EPHX1: variants seen among roughly 807,000 people sequenced by gnomAD.
The protein encoded by EPHX1 is epoxide hydrolase 1.
EPHX1 carries 40 observed loss-of-function variants against 43.2 expected under a neutral mutation model. That is an observed-to-expected ratio of 0.93 (90% CI 0.72 to 1.21). The LOEUF (loss-of-function observed/expected upper bound fraction) is 1.21, where lower values mean the gene tolerates loss of function less well. Ranked by LOEUF, EPHX1 falls within the 50% of genes most tolerant of loss-of-function variation. The pLI is 0.00. For synonymous variants in EPHX1, 221 were observed against 226.7 expected, an observed-to-expected ratio of 0.98 and a Z score of 0.22; for missense variants, 550 against 570.4, an observed-to-expected ratio of 0.96 and a Z score of 0.36.
In EPHX1 at chr1:225,828,794, A is replaced by G. The variant is rs955414524; in HGVS notation, c.65A>G (p.Asp22Gly). 10 of 1,613,662 alleles carry G rather than the reference A, an allele frequency of 6.2e-6. No individual in the cohort carries two copies. Among genetic ancestry groups the G allele is most frequent in the African/African-American group, 5.3e-5 (4 of 74,830 alleles). Reference protein sequence around the residue: ...GFAIYWFISRDKEETLPLEDG... With the variant: ...GFAIYWFISRGKEETLPLEDG... ...GCCATCTACTGGTTCATCTCCCGGG[A>G]CAAAGAGGAAACTTTGCCACTTGAA... The change falls in exon 2 of 9, where the codon GAC becomes GGC. Residue 22 changes from aspartate to glycine, a missense_variant. By Grantham distance (94) the Asp-to-Gly change is moderately conservative (BLOSUM62 -1). Coordinates refer to ENST00000272167, the MANE Select transcript of EPHX1 (RefSeq NM_001136018.4).
chr1:225,842,243 G>A, intron 6 of EPHX1, 123 bp from the exon 7 acceptor site: 2 of 763,128 alleles, frequency 2.6e-6, no homozygotes, highest in Non-Finnish European at 4.7e-6. Context: ...GCAGGCCTGT[G>A]CTCGAACGTG....
rs1235534174 is a variant in EPHX1 at position 225,845,166 on chromosome 1, C to G, written c.1187C>G (p.Thr396Ser). ...TCCAGGATGAAGGTCTATGTGCCCA[C>G]TGGCTTCTCTGCCTTCCCTTTTGAG... ...KHERMKVYVP[T>S]GFSAFPFELL... is the part of the protein sequence containing the mutation. Residue 396 changes from threonine to serine, a missense_variant, in exon 9 of 9, where the codon ACT (threonine) becomes AGT (serine). By Grantham distance (58) the Thr-to-Ser change is moderately conservative. Coordinates refer to ENST00000272167, the MANE Select transcript of EPHX1 (RefSeq NM_001136018.4). The G allele has an allele frequency of 6.2e-7, 1 of 1,614,162 alleles. No homozygotes were observed. Among genetic ancestry groups the G allele is most frequent in the Non-Finnish European group, 8.5e-7 (1 of 1,180,024 alleles).
intron 5 of EPHX1, 118 bp downstream of exon 5, chr1:225,839,464 T>A: frequency 6.5e-7 from 1 of 1,528,938 alleles, no homozygotes; most frequent in Non-Finnish European, 8.8e-7. Flanking sequence ...GAGGAGGGAG[T>A]GTGACCTGTC....
rs375338705 is a variant in EPHX1, at chr1:225,814,564, T to C, written c.-6+4395T>C. Among the ~76,000 whole-genome samples the C allele has an allele frequency of 8.7e-4, 132 of 152,204 alleles. 3 individuals are homozygous for C. The highest frequency in any genetic ancestry group is 2.7e-4 in the African/African-American group (11 of 41,448). On this transcript the variant is annotated intron_variant, in intron 1 of 8. Transcript: ENST00000272167. ...TCTGCCACGGGCCCGCCTGGCTGGC[T>C]TTAGTCCAGGAGCAGCCTGGACTGT...
At chr1:225,813,298 GC>G (rs1032142248) in intron 1 of EPHX1, among the ~76,000 whole-genome samples, 20 of 152,214 alleles carry the variant, frequency 1.3e-4, no homozygotes, top group African/African-American at 2.4e-5. Flanking sequence ...TCACTGCCCA[GC>G]CCAGCTGGCC....
At chr1:225,842,282 G>A (rs985756558) in intron 6 of EPHX1, 84 bp from the exon 7 acceptor site, 15 of 1,042,120 alleles carry the variant, frequency 1.4e-5, no homozygotes, top group South Asian at 2.5e-5. Flanking sequence ...CGCCCTCTGC[G>A]GCCAGTGCCA....
rs377705438 is a variant in EPHX1 at position 225,845,283 on chromosome 1, T to C, written c.1304T>C (p.Phe435Ser). Residue 435 changes from phenylalanine (F) to serine (S), a missense_variant, in exon 9 of 9, where the codon TTT (phenylalanine) becomes TCT (serine). Physicochemically the swap from Phe to Ser is radical, Grantham distance 155 (BLOSUM62 -2). Transcript: ENST00000272167. ...YMVRGGHFAA[F>S]EEPELLAQDI... The stretch of plus-strand genomic sequence containing the variant: ...GTTCGTGGGGGCCACTTTGCGGCCT[T>C]TGAGGAGCCGGAGCTGCTCGCCCAG... The C allele has an allele frequency of 1.7e-5, 27 of 1,613,210 alleles. No homozygotes were observed. The highest frequency in any genetic ancestry group is 2.2e-5 in the Non-Finnish European group (26 of 1,180,016).
intron 1 of EPHX1, among the ~76,000 whole-genome samples, chr1:225,812,902 A>G (rs1666553052): frequency 6.6e-6 from 1 of 152,198 alleles, no homozygotes. Flanking sequence ...TGCTAGGGCC[A>G]TAAATCCCAT....
chr1:225,842,362 C>A lies in EPHX1; in HGVS notation c.932-4C>A. ...TCTCTCCCTTGCTCCCCGCTCCCCGCCAGGCTCTGCTCTGAATGACTCTCC... is the reference window on the plus strand; with the variant it reads ...TCTCTCCCTTGCTCCCCGCTCCCCGACAGGCTCTGCTCTGAATGACTCTCC... On this transcript the variant is annotated splice_polypyrimidine_tract_variant and splice_region_variant and intron_variant, in intron 6 of 8. Transcript: ENST00000272167. The A allele has an allele frequency of 6.2e-7, 1 of 1,606,900 alleles. No homozygotes were observed. Among genetic ancestry groups the A allele is most frequent in the South Asian group, 1.1e-5 (1 of 90,936 alleles).
At chr1:225,824,706 C>T (rs756885962) in intron 1 of EPHX1, among the ~76,000 whole-genome samples, 8 of 152,166 alleles carry the variant, frequency 5.3e-5, no homozygotes, top group Non-Finnish European at 8.8e-5. Flanking sequence ...GCCGTGGTGA[C>T]CCCCTCCGTC....
rs1667849025 is a variant in EPHX1 at position 225,834,482 on chromosome 1, G to A, written c.364+2523G>A. ...GGGCAGCAAACATCCTTGTTCTGATGCAAGCAGGCCAGGCCTGTGGGAGAA... is the reference window on the plus strand; with the variant it reads ...GGGCAGCAAACATCCTTGTTCTGATACAAGCAGGCCAGGCCTGTGGGAGAA... On this transcript the variant is annotated intron_variant, in intron 3 of 8. Transcript: ENST00000272167. Among the ~76,000 whole-genome samples, 4 of 151,004 alleles carry A rather than the reference G, an allele frequency of 2.6e-5. 1 individual carries two copies. The South Asian group carries it at 8.4e-4, about 32-fold the overall frequency.
At chr1:225,833,239 G>A (rs1157488134) in intron 3 of EPHX1, among the ~76,000 whole-genome samples, 1 of 152,180 alleles carries the variant, frequency 6.6e-6, no homozygotes, top group Non-Finnish European at 1.5e-5. Context: ...CCTTTTCAAG[G>A]AACAGTGAAG....
In EPHX1 at chr1:225,839,210, C is replaced by G. The variant is rs1668165069; in HGVS notation, c.593-7C>G. 6.2e-7 allele frequency: 1 copy of G among 1,614,074 alleles called. No homozygotes were observed. Among genetic ancestry groups the G allele is most frequent in the East Asian group, 2.2e-5 (1 of 44,876 alleles). Reference sequence around the variant, plus strand: ...CGTGACTCCATGCCTTTCCCCATCACTGCCAGGGTTCAACTCGGTGGCCAC... The same window carrying G: ...CGTGACTCCATGCCTTTCCCCATCAGTGCCAGGGTTCAACTCGGTGGCCAC... On this transcript the variant is annotated splice_polypyrimidine_tract_variant and splice_region_variant and intron_variant, in intron 4 of 8. Transcript: ENST00000272167.
At chr1:225,840,114 C>T (rs939462713) in intron 6 of EPHX1, 77 bp downstream of exon 6, 10 of 1,399,216 alleles carry the variant, frequency 7.1e-6, no homozygotes, top group Non-Finnish European at 9.0e-6. Context: ...ACCTCACCAC[C>T]CCACCCCAAT....
At position 225,823,403 on chromosome 1, in the gene EPHX1, A is replaced by G. The variant is rs36232094; in HGVS notation, c.-5-5322A>G. Among the ~76,000 whole-genome samples the G allele has an allele frequency of 5.9e-3, 901 of 152,300 alleles. 13 individuals are homozygous for G. The highest frequency in any genetic ancestry group is 0.021 in the African/African-American group (856 of 41,568). On this transcript the variant is annotated intron_variant, in intron 1 of 8. Transcript: ENST00000272167. ...AAGGTTGTCAGAGTTGCTGTTTTGC[A>G]GGGAGCCATGGGATGGGGAGTCTCC...
At chr1:225,843,508 AGGGGTT>A (rs1668615450) in intron 7 of EPHX1, among the ~76,000 whole-genome samples, 1 of 152,136 alleles carries the variant, frequency 6.6e-6, no homozygotes, top group South Asian at 2.1e-4. Flanking sequence ...AGCAGGACAC[AGGGGTT>A]GATGGAGCTT....
chr1:225,845,234 A>G lies in EPHX1; in HGVS notation c.1255A>G (p.Lys419Glu), dbSNP rs1318033102. 4 of 1,613,938 alleles carry G rather than the reference A, an allele frequency of 2.5e-6. No individual in the cohort carries two copies. In the African/African-American group the frequency reaches 5.3e-5, roughly 22 times the overall value. The stretch of plus-strand genomic sequence containing the variant: ...AAAGTGGGTGAGGTTCAAGTACCCA[A>G]AGCTCATCTCCTATTCCTACATGGT... ...PEKWVRFKYP[K>E]LISYSYMVRG... is the part of the protein sequence containing the mutation. Residue 419 changes from lysine to glutamate, a missense_variant, in exon 9 of 9, where the codon AAG becomes GAG. Lys to Glu is a moderately conservative substitution (Grantham distance 56). Coordinates refer to ENST00000272167, the MANE Select transcript of EPHX1 (RefSeq NM_001136018.4).
At chr1:225,820,317 G>A (rs1283758936) in intron 1 of EPHX1, among the ~76,000 whole-genome samples, 1 of 152,066 alleles carries the variant, frequency 6.6e-6, no homozygotes, top group East Asian at 1.9e-4. Context: ...TTGAACTCCT[G>A]ACCTCAGGTG....
rs1301008107 is a variant in EPHX1 at position 225,828,991 on chromosome 1, A to G, written c.183+79A>G. ...AGACAGGGGTTGGGTCTTAGGCCAG[A>G]TGCGGGAGGGGACGGGGGCTTGGGA... On this transcript the variant is annotated intron_variant, in intron 2 of 8. Transcript: ENST00000272167. 2.0e-6 allele frequency: 3 copies of G among 1,490,872 alleles called. No individual in the cohort carries two copies. The African/African-American group carries it at 4.2e-5, about 21-fold the overall frequency. 92.4% of individuals were successfully genotyped at this position (1,490,872 alleles called of 1,614,324 possible). A position where few individuals can be genotyped will look rare whatever the true frequency, so the allele number is the denominator to read the frequency against.
Sources: allele counts gnomAD v4.1 joint callset (sites outside exome capture counted in the v4.1 genomes callset), GRCh38; gene constraint gnomAD v4.1.1; transcripts MANE v1.5; gene names NCBI Gene and HGNC (gene_info 2026-07-23, HGNC 2026-07-21).